Variants in CSMD1 observed in about 807,000 individuals in gnomAD.
CSMD1 encodes CUB and sushi domain-containing protein 1.
A neutral mutation model predicts 417.5 loss-of-function variants in CSMD1; 213 were observed. That is an observed-to-expected ratio of 0.51 (90% CI 0.46 to 0.57). The LOEUF is 0.57. Among genes scored for constraint, CSMD1 ranks in the 20% least tolerant of loss-of-function variants. CSMD1 has a pLI of 0.00. For synonymous variants in CSMD1, 2,862 were observed against 1,736.8 expected (o/e 1.65, Z -16.11); for missense variants, 6,923 against 4,529.7 (o/e 1.53, Z -15.17).
chr8:3,172,289 C>T (rs1820625678), intron 37 of CSMD1, among the ~76,000 whole-genome samples: 1 of 152,080 alleles, frequency 6.6e-6, no homozygotes, highest in African/African-American at 2.4e-5. Flanking sequence ...GGTTCTTTTC[C>T]ACCTGGGGTC....
chr8:4,006,068 G>A (rs910305452), intron 4 of CSMD1, among the ~76,000 whole-genome samples: 6 of 152,212 alleles, frequency 3.9e-5, no homozygotes, highest in Non-Finnish European at 7.3e-5. Context: ...ATGAGCTGGA[G>A]GAAGAGCATT....
Position 3,214,682 on chromosome 8 carries a change from C to T in CSMD1, c.4682G>A (p.Arg1561Gln), listed in dbSNP as rs1397675740. ...ATTTCCTGGGTCAAAACAAGCTTCCCGTGGTTTCTCTGTGGAAGAAATGAA... is the reference window on the plus strand; with the variant it reads ...ATTTCCTGGGTCAAAACAAGCTTCCTGTGGTTTCTCTGTGGAAGAAATGAA... The part of the protein sequence containing the change: ...GFAIEFKEKP[R>Q]EACFDPGNIM... Residue 1561 changes from arginine (R) to glutamine (Q), a missense_variant, in exon 30 of 70, where the codon CGG (arginine) becomes CAG (glutamine). Transcript: ENST00000635120. 6.5e-6 allele frequency: 10 copies of T among 1,549,636 alleles called. No homozygotes were observed. The highest frequency in any genetic ancestry group is 2.4e-5 in the East Asian group (1 of 40,884).
At chr8:3,305,263 C>G (rs1804743481) in intron 25 of CSMD1, among the ~76,000 whole-genome samples, 1 of 152,114 alleles carries the variant, frequency 6.6e-6, no homozygotes, top group Non-Finnish European at 1.5e-5. Context: ...TCAGCTATAA[C>G]TTAGTGTTGT....
At chr8:4,052,505 C>G (rs562588435) in intron 3 of CSMD1, among the ~76,000 whole-genome samples, 3 of 152,226 alleles carry the variant, frequency 2.0e-5, no homozygotes, top group Non-Finnish European at 2.9e-5. Flanking sequence ...AGTGGGAGAT[C>G]AGCATCTCCA....
At chr8:4,246,582 T>A (rs1425092057) in intron 3 of CSMD1, among the ~76,000 whole-genome samples, 1 of 152,164 alleles carries the variant, frequency 6.6e-6, no homozygotes, top group East Asian at 1.9e-4. Context: ...TATTTGCAAT[T>A]CTCCTGTAGA....
At chr8:4,527,508 C>G (rs750614703) in intron 2 of CSMD1, among the ~76,000 whole-genome samples, 8 of 152,102 alleles carry the variant, frequency 5.3e-5, no homozygotes, top group Non-Finnish European at 8.8e-5. Flanking sequence ...GAATGAGTAT[C>G]ACTTTTCCAA....
chr8:3,047,557 G>T (rs1276340828), intron 50 of CSMD1, among the ~76,000 whole-genome samples: 1 of 152,160 alleles, frequency 6.6e-6, no homozygotes, highest in Non-Finnish European at 1.5e-5. Flanking sequence ...GCCTCGCTGT[G>T]CCCATGGAAC....
intron 4 of CSMD1, among the ~76,000 whole-genome samples, chr8:4,014,608 G>C (rs1389154014): frequency 6.6e-6 from 1 of 152,192 alleles, no homozygotes. Context: ...GAGATTAAAA[G>C]TAATATTAGC....
At chr8:3,603,661 C>G (rs1211415418) in intron 8 of CSMD1, among the ~76,000 whole-genome samples, 1 of 152,124 alleles carries the variant, frequency 6.6e-6, no homozygotes, top group Non-Finnish European at 1.5e-5. Context: ...CAACAAGAAA[C>G]CAAACTTGAA....
At chr8:4,007,873 A>T (rs538012131) in intron 4 of CSMD1, among the ~76,000 whole-genome samples, 1 of 152,262 alleles carries the variant, frequency 6.6e-6, no homozygotes, top group Admixed American at 6.5e-5. Flanking sequence ...TTAGTTATAG[A>T]GATCTGTGGC....
chr8:3,100,363 T>C (rs1370140375), intron 46 of CSMD1, among the ~76,000 whole-genome samples: 1 of 152,222 alleles, frequency 6.6e-6, no homozygotes, highest in East Asian at 1.9e-4. Context: ...TGAGCGAAAG[T>C]GATTTGTTTT....
intron 3 of CSMD1, among the ~76,000 whole-genome samples, chr8:4,402,710 C>T (rs541222072): frequency 2.6e-5 from 4 of 151,684 alleles, no homozygotes; most frequent in East Asian, 1.9e-4. Context: ...TGAAAACAGC[C>T]GTCATATCCT....
intron 1 of CSMD1, among the ~76,000 whole-genome samples, chr8:4,748,327 G>A (rs976560198): frequency 6.6e-6 from 1 of 152,226 alleles, no homozygotes; most frequent in Admixed American, 6.5e-5. Context: ...ATCTGAGTTG[G>A]AAATGTGTGC....
At chr8:3,688,339 G>A (rs925876685) in intron 7 of CSMD1, among the ~76,000 whole-genome samples, 1 of 152,174 alleles carries the variant, frequency 6.6e-6, no homozygotes, top group African/African-American at 2.4e-5. Context: ...ACAAATGCCA[G>A]TAGAAAGTTT....
In CSMD1 at chr8:3,820,025, T is replaced by C. The variant is rs554959432; in HGVS notation, c.819-65983A>G. Among the ~76,000 whole-genome samples the C allele has an allele frequency of 2.0e-5, 3 of 152,314 alleles. No individual in the cohort carries two copies. The East Asian group carries it at 5.8e-4, about 29-fold the overall frequency. ...ACTTTCCACTTGAACATCACAGTCATCTTCACAGATAGAAAAATCTCATTC... is the reference window on the plus strand; with the variant it reads ...ACTTTCCACTTGAACATCACAGTCACCTTCACAGATAGAAAAATCTCATTC... On this transcript the variant is annotated intron_variant, in intron 5 of 69. Coordinates refer to ENST00000635120, the MANE Select transcript of CSMD1 (RefSeq NM_033225.6).
At chr8:4,459,576 G>A (rs999877088) in intron 2 of CSMD1, among the ~76,000 whole-genome samples, 2 of 152,204 alleles carry the variant, frequency 1.3e-5, no homozygotes, top group African/African-American at 2.4e-5. Flanking sequence ...CTAATCCATG[G>A]AATGGCTAGT....
intron 2 of CSMD1, among the ~76,000 whole-genome samples, chr8:4,599,163 A>G (rs956286796): frequency 2.0e-5 from 3 of 152,166 alleles, no homozygotes; most frequent in Admixed American, 1.3e-4. Context: ...CTGTATCTGT[A>G]GGGAGAACTT....
intron 3 of CSMD1, among the ~76,000 whole-genome samples, chr8:4,262,940 G>C (rs1215059234): frequency 9.2e-5 from 14 of 152,140 alleles, no homozygotes; most frequent in Non-Finnish European, 2.1e-4. Flanking sequence ...AAGAACATTA[G>C]TTCAGCCAAG....
intron 1 of CSMD1, among the ~76,000 whole-genome samples, chr8:4,709,485 G>A (rs908842212): frequency 1.4e-4 from 21 of 152,200 alleles, no homozygotes; most frequent in Non-Finnish European, 7.3e-5. Flanking sequence ...GGAACAGGGG[G>A]AGCCTCATGT....
Sources: gnomAD v4.1 joint callset for allele counts (sites outside exome capture counted in the v4.1 genomes callset) on GRCh38, gnomAD v4.1.1 for gene constraint, MANE v1.5 for transcripts, NCBI Gene and HGNC (gene_info 2026-07-23, HGNC 2026-07-21) for gene names.